HSPBAP1: variants seen among roughly 807,000 people sequenced by gnomAD.
HSPBAP1 encodes the protein HSPB1 associated protein 1.
In HSPBAP1, 27 loss-of-function variants were observed where a neutral mutation model predicts 45.2. The observed-to-expected ratio is 0.60, with a 90% CI of 0.44 to 0.82. HSPBAP1 has a LOEUF of 0.82. Among genes scored for constraint, HSPBAP1 ranks in the 40% least tolerant of loss-of-function variants. The probability of loss-of-function intolerance (pLI) is 0.00; values close to 1 mark genes in which losing one functional copy is unlikely to be tolerated. For missense variants in HSPBAP1, 510 were observed against 590.9 expected, an observed-to-expected ratio of 0.86 and a Z score of 1.42; for synonymous variants, 204 against 202.7, an observed-to-expected ratio of 1.01 and a Z score of -0.06.
chr3:122,780,576 C>G (rs1457395593), intron 1 of HSPBAP1, among the ~76,000 whole-genome samples: 1 of 143,600 alleles, frequency 7.0e-6, no homozygotes. Flanking sequence ...AACTCACTCC[C>G]GGACGGGGCG....
chr3:122,777,857 CATG>C lies in HSPBAP1; in HGVS notation c.111_113del (p.Ile37del), dbSNP rs749124892. ...AGAAGATTGCAGGTTGTTGTAAAGACATGATAATTTCTTTTGCTTTCTCTGGCT... is the reference window on the plus strand; with the variant it reads ...AGAAGATTGCAGGTTGTTGTAAAGACATAATTTCTTTTGCTTTCTCTGGCT... On this transcript the variant is annotated inframe_deletion, in exon 2 of 8. Coordinates refer to ENST00000306103, the MANE Select transcript of HSPBAP1 (RefSeq NM_024610.6). The C allele has an allele frequency of 1.2e-6, 2 of 1,613,626 alleles. No homozygotes were observed. Among genetic ancestry groups the C allele is most frequent in the East Asian group, 4.5e-5 (2 of 44,866 alleles).
chr3:122,793,368 A>T (rs1251827447), intron 1 of HSPBAP1, among the ~76,000 whole-genome samples: 1 of 152,254 alleles, frequency 6.6e-6, no homozygotes, highest in Non-Finnish European at 1.5e-5. Flanking sequence ...AATATAAAAC[A>T]AAACAAAACA....
intron 3 of HSPBAP1, among the ~76,000 whole-genome samples, chr3:122,760,035 A>T (rs531879421): frequency 6.6e-6 from 1 of 152,160 alleles, no homozygotes; most frequent in Admixed American, 6.6e-5. Flanking sequence ...ATGGCTTTCA[A>T]TATACTCCCC....
chr3:122,751,079 A>T (rs1333456354), intron 6 of HSPBAP1, among the ~76,000 whole-genome samples: 7 of 152,200 alleles, frequency 4.6e-5, no homozygotes, highest in African/African-American at 7.2e-5. Flanking sequence ...AACTAACCCA[A>T]TATTACAAGC....
intron 3 of HSPBAP1, among the ~76,000 whole-genome samples, chr3:122,759,619 A>C (rs1332356327): frequency 6.6e-6 from 1 of 152,242 alleles, no homozygotes; most frequent in Non-Finnish European, 1.5e-5. Flanking sequence ...ACTGTTCTGG[A>C]AGCTTGTAAT....
chr3:122,745,164 C>G (rs1011216896), intron 6 of HSPBAP1, among the ~76,000 whole-genome samples: 3 of 152,042 alleles, frequency 2.0e-5, no homozygotes, highest in Middle Eastern at 3.4e-3. Flanking sequence ...GTAATCAGAC[C>G]AAATCTCCAC....
chr3:122,783,778 C>CACA (rs2107540160), intron 1 of HSPBAP1, among the ~76,000 whole-genome samples: 1 of 151,744 alleles, frequency 6.6e-6, no homozygotes, highest in Admixed American at 6.6e-5. Flanking sequence ...CCTTTATTAC[C>CACA]CATCTTTGGT....
chr3:122,750,449 G>A (rs796130073), intron 6 of HSPBAP1, among the ~76,000 whole-genome samples: 5 of 152,280 alleles, frequency 3.3e-5, no homozygotes, highest in African/African-American at 1.2e-4. Flanking sequence ...GCCTTGTTAT[G>A]ACGTCAGCAT....
chr3:122,748,476 G>A (rs1488462283), intron 6 of HSPBAP1, among the ~76,000 whole-genome samples: 1 of 151,896 alleles, frequency 6.6e-6, no homozygotes, highest in Non-Finnish European at 1.5e-5. Flanking sequence ...CAAAAAACAT[G>A]AAACAATCTA....
rs1351360886 is a variant in HSPBAP1, at chr3:122,759,311, C to T, written c.482G>A (p.Ser161Asn). 3 of 1,613,954 alleles carry T rather than the reference C, an allele frequency of 1.9e-6. No individual in the cohort carries two copies. Among genetic ancestry groups the T allele is most frequent in the Non-Finnish European group, 2.5e-6 (3 of 1,179,866 alleles). Reference protein sequence around the residue: ...FGFPGRNGQESTLWIGSLGAH... With the variant: ...FGFPGRNGQENTLWIGSLGAH... ...TCCCAAGGAGCCAATCCACAATGTA[C>T]TTTCCTGTCCATTTCTTCCAGGAAA... The change falls in exon 4 of 8, where the codon AGT (serine) becomes AAT (asparagine). Residue 161 changes from serine to asparagine, a missense_variant. Ser to Asn is a conservative substitution (Grantham distance 46). Transcript: ENST00000306103.
Position 122,759,193 on chromosome 3 carries a change from AC to A in HSPBAP1, c.569+30del, listed in dbSNP as rs372644874. The A allele has an allele frequency of 0.01, 15,451 of 1,508,318 alleles. 774 individuals are homozygous for A. In the African/African-American group the frequency reaches 0.14, roughly 14 times the overall value. 93.4% of individuals were successfully genotyped at this position (1,508,318 alleles called of 1,614,324 possible). On this transcript the variant is annotated intron_variant, in intron 4 of 7. Coordinates refer to ENST00000306103, the MANE Select transcript of HSPBAP1 (RefSeq NM_024610.6). ...GCATGCACATGTGCGTTCCACACAC[AC>A]ACACACACACACACACACACACACA...
chr3:122,778,395 CA>C (rs1207975343), intron 1 of HSPBAP1, among the ~76,000 whole-genome samples: 5 of 151,666 alleles, frequency 3.3e-5, no homozygotes, highest in Non-Finnish European at 7.4e-5. Flanking sequence ...GACTACAAAC[CA>C]AAAACAACCA....
At chr3:122,792,807 G>T (rs1225048632) in intron 1 of HSPBAP1, among the ~76,000 whole-genome samples, 2 of 151,896 alleles carry the variant, frequency 1.3e-5, no homozygotes, top group Non-Finnish European at 2.9e-5. Context: ...GGAGGTGGAG[G>T]TTGCAGTGAG....
At chr3:122,786,703 T>C (rs1470907048) in intron 1 of HSPBAP1, among the ~76,000 whole-genome samples, 2 of 152,218 alleles carry the variant, frequency 1.3e-5, no homozygotes, top group Non-Finnish European at 2.9e-5. Context: ...CTGGTATATA[T>C]TAAATGCCAA....
chr3:122,752,871 C>T (rs1934208528), intron 5 of HSPBAP1, 197 bp from the exon 6 acceptor site: 1 of 1,342,420 alleles, frequency 7.4e-7, no homozygotes, highest in Non-Finnish European at 9.5e-7. Context: ...GACAAGTTCA[C>T]ATGTTCTACA....
intron 4 of HSPBAP1, among the ~76,000 whole-genome samples, chr3:122,757,662 C>T (rs1168340196): frequency 6.6e-6 from 1 of 152,154 alleles, no homozygotes; most frequent in African/African-American, 2.4e-5. Context: ...GGTCCCTGTA[C>T]AGAAGGATAC....
chr3:122,742,911 T>C (rs1344740971), intron 6 of HSPBAP1, among the ~76,000 whole-genome samples: 2 of 152,206 alleles, frequency 1.3e-5, no homozygotes, highest in African/African-American at 4.8e-5. Context: ...TCTATCTATG[T>C]ATTTATAGAT....
At chr3:122,743,196 T>C (rs1371973364) in intron 6 of HSPBAP1, among the ~76,000 whole-genome samples, 1 of 152,236 alleles carries the variant, frequency 6.6e-6, no homozygotes, top group Admixed American at 6.5e-5. Flanking sequence ...ATTTTGTTTA[T>C]CCACTCATCA....
Position 122,768,688 on chromosome 3 carries a change from G to A in HSPBAP1, c.432+13C>T. 6.4e-7 allele frequency: 1 copy of A among 1,574,352 alleles called. No individual in the cohort carries two copies. On this transcript the variant is annotated intron_variant, in intron 3 of 7. Coordinates refer to ENST00000306103, the MANE Select transcript of HSPBAP1 (RefSeq NM_024610.6). ...AAATTCCTACCAAGATTAGAAGGAAGGTTCTGACTTACCTGGAAAAGATCT... is the reference window on the plus strand; with the variant it reads ...AAATTCCTACCAAGATTAGAAGGAAAGTTCTGACTTACCTGGAAAAGATCT...
Sources: allele counts gnomAD v4.1 joint callset (sites outside exome capture counted in the v4.1 genomes callset), GRCh38; gene constraint gnomAD v4.1.1; transcripts MANE v1.5; gene names NCBI Gene and HGNC (gene_info 2026-07-23, HGNC 2026-07-21).